The following GRID2 variants were observed in gnomAD, a reference collection of about 807,000 sequenced individuals.
The protein encoded by GRID2 is glutamate ionotropic receptor delta type subunit 2, also known as glutamate receptor ionotropic, delta-2.
GRID2 carries 33 observed loss-of-function variants against 114.8 expected under a neutral mutation model. The observed-to-expected ratio is 0.29, with a 90% CI of 0.22 to 0.38. GRID2 has a LOEUF of 0.38. Ranked by LOEUF, GRID2 falls within the 10% of genes least tolerant of loss-of-function variation. GRID2 has a pLI of 1.00. For synonymous variants in GRID2, 505 were observed against 449.9 expected (o/e 1.12, Z -1.55); for missense variants, 1,184 against 1,257.7 (o/e 0.94, Z 0.89).
intron 2 of GRID2, among the ~76,000 whole-genome samples, chr4:92,939,613 T>C (rs1031426491): frequency 2.7e-5 from 4 of 147,440 alleles, no homozygotes; most frequent in Admixed American, 7.3e-5. Flanking sequence ...CCATTGCTTT[T>C]GGTGTTTTAG....
chr4:93,328,161 A>G (rs1287784004), intron 8 of GRID2, among the ~76,000 whole-genome samples: 2 of 152,114 alleles, frequency 1.3e-5, no homozygotes, highest in African/African-American at 2.4e-5. Context: ...TCCTTTAGCA[A>G]GCAATATGCA....
At position 92,548,748 on chromosome 4, in the gene GRID2, T is replaced by A. The variant is rs554164080; in HGVS notation, c.89-41383T>A. Among the ~76,000 whole-genome samples the A allele has an allele frequency of 2.6e-5, 4 of 152,132 alleles. No individual in the cohort carries two copies. The South Asian group carries it at 8.3e-4, about 32-fold the overall frequency. ...TTAATCAGCTCATGATTTCACAGGC[T>A]GTAAAGGAAGCATGGCAGCATCTGG... On this transcript the variant is annotated intron_variant, in intron 1 of 15. Coordinates refer to ENST00000282020, the MANE Select transcript of GRID2 (RefSeq NM_001510.4).
chr4:92,779,392 T>C lies in GRID2; in HGVS notation c.244+189106T>C, dbSNP rs76677840. Among the ~76,000 whole-genome samples, 1,105 of 152,222 alleles carry C rather than the reference T, an allele frequency of 7.3e-3. 10 individuals carry two copies. The highest frequency in any genetic ancestry group is 0.016 in the South Asian group (75 of 4,830). On this transcript the variant is annotated intron_variant, in intron 2 of 15. Transcript: ENST00000282020. ...AATATTTTGAATGAAAATTGATGAA[T>C]CTTAGATTTTCTCATTACTTTCTTT...
chr4:92,955,593 T>G (rs1000800875), intron 2 of GRID2, among the ~76,000 whole-genome samples: 1 of 152,170 alleles, frequency 6.6e-6, no homozygotes, highest in African/African-American at 2.4e-5. Context: ...GGTAGTTTCT[T>G]TTGCTGTGCA....
At chr4:93,475,033 C>T (rs908017211) in intron 11 of GRID2, among the ~76,000 whole-genome samples, 1 of 152,114 alleles carries the variant, frequency 6.6e-6, no homozygotes, top group Non-Finnish European at 1.5e-5. Flanking sequence ...TCCCCTTCCT[C>T]CCTGAGCCTA....
chr4:93,057,767 T>C (rs892852591), intron 2 of GRID2, among the ~76,000 whole-genome samples: 2 of 151,754 alleles, frequency 1.3e-5, no homozygotes, highest in African/African-American at 4.8e-5. Flanking sequence ...TAATATTCAA[T>C]GAACAGCACC....
At chr4:93,396,221 G>T (rs2149330962) in intron 9 of GRID2, among the ~76,000 whole-genome samples, 1 of 152,100 alleles carries the variant, frequency 6.6e-6, no homozygotes, top group South Asian at 2.1e-4. Flanking sequence ...TGTATTCCAG[G>T]CTCAGTGCTG....
In GRID2 at chr4:92,484,995, T is replaced by A. The variant is rs190876452; in HGVS notation, c.89-105136T>A. ...TCTAATCATGGTGCTTACCATACAT[T>A]TAAGAATTATCTATTTATTAAACAA... On this transcript the variant is annotated intron_variant, in intron 1 of 15. Transcript: ENST00000282020. Among the ~76,000 whole-genome samples, 771 of 152,064 alleles carry A rather than the reference T, an allele frequency of 5.1e-3. 4 individuals are homozygous for A. Among genetic ancestry groups the A allele is most frequent in the South Asian group, 0.022 (104 of 4,820 alleles).
intron 1 of GRID2, among the ~76,000 whole-genome samples, chr4:92,436,628 G>A (rs1288958341): frequency 6.6e-6 from 1 of 151,974 alleles, no homozygotes; most frequent in Admixed American, 6.6e-5. Flanking sequence ...AGATTATTAA[G>A]AATAATACAT....
intron 11 of GRID2, among the ~76,000 whole-genome samples, chr4:93,489,254 C>T (rs537320717): frequency 7.9e-5 from 12 of 151,784 alleles, no homozygotes; most frequent in East Asian, 3.9e-4. Flanking sequence ...TGAAGGAAGA[C>T]GGAATTTATG....
chr4:93,315,570 A>G (rs1394114599), intron 8 of GRID2, among the ~76,000 whole-genome samples: 1 of 152,108 alleles, frequency 6.6e-6, no homozygotes, highest in Non-Finnish European at 1.5e-5. Context: ...CATTTCCTGC[A>G]TGAGACACCA....
At chr4:92,866,772 C>T (rs1055264907) in intron 2 of GRID2, among the ~76,000 whole-genome samples, 3 of 151,742 alleles carry the variant, frequency 2.0e-5, no homozygotes, top group Non-Finnish European at 2.9e-5. Flanking sequence ...AGGATGGTCT[C>T]GATCTCCTGA....
At chr4:93,025,142 AAG>A (rs1723767361) in intron 2 of GRID2, among the ~76,000 whole-genome samples, 1 of 151,012 alleles carries the variant, frequency 6.6e-6, no homozygotes, top group Non-Finnish European at 1.5e-5. Flanking sequence ...GAGAGAGGTA[AAG>A]AGAGGGAGAG....
At chr4:93,028,594 A>G (rs960386379) in intron 2 of GRID2, among the ~76,000 whole-genome samples, 2 of 151,908 alleles carry the variant, frequency 1.3e-5, no homozygotes, top group Non-Finnish European at 2.9e-5. Context: ...CTTTTTTTTT[A>G]TATATACGTA....
exon 2 of GRID2, chr4:93,807,638 T>C (rs10032708): frequency 0.33 from 50,013 of 152,048 alleles, 9,175 homozygotes; most frequent in Non-Finnish European, 0.41. Flanking sequence ...GCAGTGCCTG[T>C]ATATACTACC....
At chr4:92,319,986 A>G (rs1157941488) in intron 1 of GRID2, among the ~76,000 whole-genome samples, 1 of 152,174 alleles carries the variant, frequency 6.6e-6, no homozygotes, top group Admixed American at 6.5e-5. Context: ...TTGTGGTGGA[A>G]GGTGTTGCTT....
intron 13 of GRID2, among the ~76,000 whole-genome samples, chr4:93,581,763 G>T (rs1377124650): frequency 2.0e-5 from 3 of 152,030 alleles, no homozygotes; most frequent in Non-Finnish European, 4.4e-5. Context: ...CTATCCTGAT[G>T]GAGAACTCTT....
intron 1 of GRID2, among the ~76,000 whole-genome samples, chr4:92,455,143 T>G (rs2149082390): frequency 6.6e-6 from 1 of 152,316 alleles, no homozygotes; most frequent in Non-Finnish European, 1.5e-5. Flanking sequence ...GCCCATATCT[T>G]TGAAAGGCAC....
At chr4:92,717,748 T>A (rs1735617668) in intron 2 of GRID2, among the ~76,000 whole-genome samples, 1 of 152,164 alleles carries the variant, frequency 6.6e-6, no homozygotes, top group Non-Finnish European at 1.5e-5. Context: ...AAGAAAATAG[T>A]GTTTTATTGA....
Sources: allele counts gnomAD v4.1 joint callset (sites outside exome capture counted in the v4.1 genomes callset), GRCh38; gene constraint gnomAD v4.1.1; transcripts MANE v1.5; gene names NCBI Gene and HGNC (gene_info 2026-07-23, HGNC 2026-07-21).